The following SIK2 variants were observed in gnomAD, a reference collection of about 807,000 sequenced individuals.
The protein encoded by SIK2 is serine/threonine-protein kinase SIK2.
In SIK2, 29 loss-of-function variants were observed where a neutral mutation model predicts 103.2. The observed-to-expected ratio is 0.28, with a 90% CI of 0.21 to 0.38. The LOEUF (loss-of-function observed/expected upper bound fraction) is 0.38, where lower values mean the gene tolerates loss of function less well. Ranked by LOEUF, SIK2 falls within the 10% of genes least tolerant of loss-of-function variation. The probability of loss-of-function intolerance (pLI) is 1.00; values close to 1 mark genes in which losing one functional copy is unlikely to be tolerated. For synonymous variants in SIK2, 412 were observed against 446.1 expected, an observed-to-expected ratio of 0.92 and a Z score of 0.96; for missense variants, 879 against 1,171.0, an observed-to-expected ratio of 0.75 and a Z score of 3.64.
intron 11 of SIK2, 65 bp from the exon 12 acceptor site, chr11:111,720,834 C>A: frequency 1.9e-6 from 3 of 1,583,316 alleles, no homozygotes; most frequent in Non-Finnish European, 2.6e-6. Flanking sequence ...TTGGTGTGGT[C>A]ACCTGTGGTC....
chr11:111,685,287 T>C (rs908811370), intron 3 of SIK2, among the ~76,000 whole-genome samples: 24 of 152,336 alleles, frequency 1.6e-4, no homozygotes, highest in African/African-American at 5.8e-4. Flanking sequence ...AGGGTTCACA[T>C]TCCTATGGCA....
At position 111,688,986 on chromosome 11, in the gene SIK2, C is replaced by G. The variant is rs1418389406; in HGVS notation, c.478+824C>G. ...GAGTATAGGTGAGGGAACAAGCAGTCTACCTGAAGAGTCAGGGAAGCTTCA... is the reference window on the plus strand; with the variant it reads ...GAGTATAGGTGAGGGAACAAGCAGTGTACCTGAAGAGTCAGGGAAGCTTCA... On this transcript the variant is annotated intron_variant, in intron 4 of 14. Coordinates refer to ENST00000304987, the MANE Select transcript of SIK2 (RefSeq NM_015191.3). This position sits in a 1 kb window ranked among gnomAD's most constrained non-coding sequence, Gnocchi z 4.2. Among the ~76,000 whole-genome samples, 2 of 152,136 alleles carry G rather than the reference C, an allele frequency of 1.3e-5. No homozygotes were observed. Among genetic ancestry groups the G allele is most frequent in the East Asian group, 3.8e-4 (2 of 5,198 alleles).
Position 111,727,274 on chromosome 11 carries a change from C to CA in SIK2, c.*3146dup. On this transcript the variant is annotated 3_prime_UTR_variant, in exon 15 of 15. Coordinates refer to ENST00000304987, the MANE Select transcript of SIK2 (RefSeq NM_015191.3). ...CCACCAGGGGAGTGGGGATGGGGCT[C>CA]AGGGGCTGTTCATGCCCATCTGAGC... The CA allele has an allele frequency of 1.7e-6, 1 of 588,974 alleles. No homozygotes were observed. The highest frequency in any genetic ancestry group is 2.8e-5 in the East Asian group (1 of 36,062). The allele number at this position is 588,974 out of a possible 1,614,324, so 36.5% of individuals were successfully genotyped here.
intron 1 of SIK2, among the ~76,000 whole-genome samples, chr11:111,607,150 A>G (rs1565303194): frequency 6.6e-6 from 1 of 152,192 alleles, no homozygotes. Context: ...AAGATATTTC[A>G]TAGAGGTTCT....
chr11:111,664,272 T>G (rs928488820), intron 3 of SIK2, among the ~76,000 whole-genome samples: 1 of 152,058 alleles, frequency 6.6e-6, no homozygotes, highest in Non-Finnish European at 1.5e-5. Context: ...AAGGGAAAGA[T>G]TGGGGCAGGG....
chr11:111,664,229 TGGG>T (rs1002241594), intron 3 of SIK2, among the ~76,000 whole-genome samples: 6 of 152,166 alleles, frequency 3.9e-5, no homozygotes, highest in African/African-American at 1.2e-4. Flanking sequence ...TTCAGAGTTT[TGGG>T]GGGCAAATCG....
At chr11:111,664,161 A>G (rs748399826) in intron 3 of SIK2, among the ~76,000 whole-genome samples, 1 of 152,238 alleles carries the variant, frequency 6.6e-6, no homozygotes, top group Non-Finnish European at 1.5e-5. Context: ...GTGTTGACCT[A>G]GTTCTGCATA....
At chr11:111,639,257 A>AGCACCTCTAC (rs113180173) in intron 3 of SIK2, among the ~76,000 whole-genome samples, 1 of 152,196 alleles carries the variant, frequency 6.6e-6, no homozygotes, top group African/African-American at 2.4e-5. Context: ...AAGACTTAAT[A>AGCACCTCTAC]GCAGATTTCT....
intron 4 of SIK2, among the ~76,000 whole-genome samples, chr11:111,691,630 A>G (rs916220727): frequency 6.6e-6 from 1 of 152,194 alleles, no homozygotes; most frequent in African/African-American, 2.4e-5. Flanking sequence ...CTATGGTTGT[A>G]CATTTAGTGT....
chr11:111,723,420 C>A, intron 14 of SIK2, 76 bp from the exon 15 acceptor site: 1 of 1,437,630 alleles, frequency 7.0e-7, no homozygotes, highest in Non-Finnish European at 9.4e-7. Flanking sequence ...AAGCTAGTGA[C>A]TGGTATTGCA....
At chr11:111,704,964 T>G in intron 7 of SIK2, 23 bp from the exon 8 acceptor site, 1 of 1,591,484 alleles carries the variant, frequency 6.3e-7, no homozygotes, top group Non-Finnish European at 8.5e-7. Flanking sequence ...TTCTTTGCCT[T>G]TACCACTTGT....
rs1301965133 is a variant in SIK2 at position 111,728,762 on chromosome 11, A to C, written c.*4633A>C. On this transcript the variant is annotated 3_prime_UTR_variant, in exon 15 of 15. Coordinates refer to ENST00000304987, the MANE Select transcript of SIK2 (RefSeq NM_015191.3). ...ACACAGTGAAACGCCGTCTCTACTA[A>C]AAATACAAAAAATTAGCCGGGCGTG... 6.6e-6 allele frequency: 1 copy of C among 152,152 alleles called. No homozygotes were observed. Among genetic ancestry groups the C allele is most frequent in the Non-Finnish European group, 1.5e-5 (1 of 68,050 alleles). 9.4% of individuals were successfully genotyped at this position (152,152 alleles called of 1,614,324 possible). A position where few individuals can be genotyped will look rare whatever the true frequency, so the allele number is the denominator to read the frequency against.
chr11:111,608,259 T>A (rs1445171769), intron 1 of SIK2, among the ~76,000 whole-genome samples: 2 of 152,208 alleles, frequency 1.3e-5, no homozygotes, highest in African/African-American at 4.8e-5. Flanking sequence ...AGAAACTTCA[T>A]TTTAAAAAAA....
chr11:111,715,423 C>T (rs1199865409), intron 9 of SIK2, among the ~76,000 whole-genome samples: 9 of 152,170 alleles, frequency 5.9e-5, no homozygotes, highest in Admixed American at 5.2e-4. Flanking sequence ...TTCATTGCTG[C>T]ATGTATTGAT....
intron 8 of SIK2, among the ~76,000 whole-genome samples, chr11:111,706,402 T>C (rs988275491): frequency 3.3e-5 from 5 of 152,016 alleles, no homozygotes; most frequent in Non-Finnish European, 5.9e-5. Context: ...GGCTAGAAAT[T>C]TGGGAATCAT....
rs747251535 is a variant in SIK2, at chr11:111,705,616, A to G, written c.1101+477A>G. Among the ~76,000 whole-genome samples the G allele has an allele frequency of 6.6e-6, 1 of 152,158 alleles. No homozygotes were observed. On this transcript the variant is annotated intron_variant, in intron 8 of 14. Transcript: ENST00000304987. This position sits in a 1 kb window ranked among gnomAD's most constrained non-coding sequence, Gnocchi z 4.3. Reference sequence around the variant, plus strand: ...AGGGGAGAGAGGGGCACATCTGAACAGGGGGAATGGCATGTAAGACACATC... The same window carrying G: ...AGGGGAGAGAGGGGCACATCTGAACGGGGGGAATGGCATGTAAGACACATC...
At chr11:111,613,634 C>T (rs896210148) in intron 1 of SIK2, among the ~76,000 whole-genome samples, 11 of 151,964 alleles carry the variant, frequency 7.2e-5, no homozygotes, top group African/African-American at 2.2e-4. Context: ...TTTCTAATAG[C>T]GAGTATATAA....
At chr11:111,713,552 C>T (rs926872189) in intron 9 of SIK2, among the ~76,000 whole-genome samples, 4 of 152,130 alleles carry the variant, frequency 2.6e-5, no homozygotes, top group Non-Finnish European at 4.4e-5. Flanking sequence ...TCTTTTTAGC[C>T]TCTTTAGATA....
rs1942967737 is a variant in SIK2, at chr11:111,692,388, A to AAAAAAAAAAAC, written c.478+4226_478+4227insAAAAAAAAAAC. On this transcript the variant is annotated intron_variant, in intron 4 of 14. Coordinates refer to ENST00000304987, the MANE Select transcript of SIK2 (RefSeq NM_015191.3). ...AAAAAAAAAAAAAAAAAAAAAAAAA[A>AAAAAAAAAAAC]CACAAAAAGGAGAGAGGGAGAGAGA... Among the ~76,000 whole-genome samples the AAAAAAAAAAAC allele has an allele frequency of 7.2e-5, 8 of 110,914 alleles. 1 individual carries two copies. The highest frequency in any genetic ancestry group is 3.9e-5 in the Non-Finnish European group (2 of 50,790). 72.8% of individuals were successfully genotyped at this position (110,914 alleles called of 152,430 possible).
Sources: gnomAD v4.1 joint callset for allele counts (sites outside exome capture counted in the v4.1 genomes callset) on GRCh38, gnomAD v4.1.1 for gene constraint, Gnocchi (gnomAD v3.1) non-coding constraint, MANE v1.5 for transcripts, NCBI Gene and HGNC (gene_info 2026-07-23, HGNC 2026-07-21) for gene names.